Variants in GREB1 observed in about 807,000 individuals in gnomAD.
GREB1 encodes growth regulating estrogen receptor binding 1.
A neutral mutation model predicts 200.7 loss-of-function variants in GREB1; 106 were observed. The observed-to-expected ratio is 0.53, with a 90% CI of 0.45 to 0.62. The LOEUF is 0.62. GREB1 is among the 20% of genes least tolerant of loss of function. The pLI, the probability that GREB1 is intolerant of heterozygous loss-of-function variation, is 0.00. For synonymous variants in GREB1, 1,132 were observed against 1,092.4 expected (o/e 1.04, Z -0.72); for missense variants, 2,243 against 2,556.8 (o/e 0.88, Z 2.65).
intron 1 of GREB1, among the ~76,000 whole-genome samples, chr2:11,519,548 C>T (rs1217676850): frequency 2.0e-5 from 3 of 150,180 alleles, no homozygotes; most frequent in Non-Finnish European, 4.4e-5. Context: ...CTCTACCTCC[C>T]GGGTTCATGA....
intron 11 of GREB1, among the ~76,000 whole-genome samples, chr2:11,593,598 C>A (rs1405494325): frequency 1.3e-5 from 2 of 151,852 alleles, no homozygotes; most frequent in Non-Finnish European, 2.9e-5. Context: ...GAGATTCTCC[C>A]ACCTCAGCCT....
At chr2:11,485,257 T>C (rs1174805262) in intron 1 of GREB1, among the ~76,000 whole-genome samples, 1 of 128,204 alleles carries the variant, frequency 7.8e-6, no homozygotes, top group African/African-American at 3.1e-5. Context: ...TTTTATTTTA[T>C]TTTATATATA....
At chr2:11,514,036 A>T (rs530992973) in intron 1 of GREB1, among the ~76,000 whole-genome samples, 3 of 152,334 alleles carry the variant, frequency 2.0e-5, no homozygotes, top group Admixed American at 6.5e-5. Flanking sequence ...TAGGAGCTGG[A>T]TCAGTGCAGA....
intron 1 of GREB1, among the ~76,000 whole-genome samples, chr2:11,516,827 C>T (rs1673523108): frequency 1.3e-5 from 2 of 152,212 alleles, no homozygotes; most frequent in Non-Finnish European, 2.9e-5. Context: ...AACAGGCTCT[C>T]ACTGGATTCA....
At chr2:11,526,267 T>C (rs1357528653) in intron 1 of GREB1, among the ~76,000 whole-genome samples, 1 of 152,178 alleles carries the variant, frequency 6.6e-6, no homozygotes, top group East Asian at 1.9e-4. Flanking sequence ...TTTCTTCCTT[T>C]ATATCACTAG....
At position 11,552,871 on chromosome 2, in the gene GREB1, A is replaced by C. The variant is rs370416474; in HGVS notation, c.-161-3583A>C. 1.3e-4 allele frequency among the ~76,000 whole-genome samples: 19 copies of C among 151,966 alleles called. No homozygotes were observed. The South Asian group carries it at 1.7e-3, about 13-fold the overall frequency. On this transcript the variant is annotated intron_variant, in intron 1 of 32. Coordinates refer to ENST00000381486, the MANE Select transcript of GREB1 (RefSeq NM_014668.4). ...CTAAAAATACAAAAATTAGCCGGGC[A>C]TGGTGGCGCACGCCTGTAGTCCCAG...
chr2:11,575,674 A>G (rs1207699957), intron 4 of GREB1, among the ~76,000 whole-genome samples: 1 of 152,238 alleles, frequency 6.6e-6, no homozygotes, highest in African/African-American at 2.4e-5. Flanking sequence ...ATTTCTTTTC[A>G]GAAACTCACG....
rs1174993890 is a variant in GREB1 at position 11,635,305 on chromosome 2, T to C, written c.5246T>C (p.Val1749Ala). ...LCDDVDFNLR[V>A]HSAGLLLCRF... The stretch of plus-strand genomic sequence containing the variant: ...GACGATGTAGACTTCAACCTGCGGG[T>C]GCACAGCGCCGGCCTCCTGCTCTGC... The change falls in exon 30 of 33, where the codon GTG becomes GCG. Residue 1749 changes from valine to alanine, a missense_variant. Val to Ala is a moderately conservative substitution (Grantham distance 64). Transcript: ENST00000381486. The C allele has an allele frequency of 6.2e-7, 1 of 1,614,176 alleles. No individual in the cohort carries two copies. The highest frequency in any genetic ancestry group is 8.5e-7 in the Non-Finnish European group (1 of 1,180,026).
chr2:11,500,408 C>G (rs984877750), intron 1 of GREB1, among the ~76,000 whole-genome samples: 1 of 151,986 alleles, frequency 6.6e-6, no homozygotes, highest in African/African-American at 2.4e-5. Context: ...ATCTGCTCGC[C>G]TCGGACTCCC....
At position 11,589,906 on chromosome 2, in the gene GREB1, G is replaced by A. The variant is rs57219871; in HGVS notation, c.1345+975G>A. Among the ~76,000 whole-genome samples, 285 of 152,288 alleles carry A rather than the reference G, an allele frequency of 1.9e-3. 3 individuals are homozygous for A. In the East Asian group the frequency reaches 0.044, roughly 23 times the overall value. On this transcript the variant is annotated intron_variant, in intron 10 of 32. Transcript: ENST00000381486. The stretch of plus-strand genomic sequence containing the variant: ...GCGTGAGTTTGTACAAGATGCCCAC[G>A]AGACAGTCAAGTCGCCTGTGTTCAT...
intron 11 of GREB1, among the ~76,000 whole-genome samples, chr2:11,594,908 A>G (rs1681068675): frequency 6.6e-6 from 1 of 150,872 alleles, no homozygotes; most frequent in Non-Finnish European, 1.5e-5. Context: ...GTTAGCCAGG[A>G]TGGTCTCGAT....
Position 11,618,918 on chromosome 2 carries a change from A to T in GREB1, c.4043A>T (p.Gln1348Leu). 4 of 1,506,888 alleles carry T rather than the reference A, an allele frequency of 2.7e-6. No homozygotes were observed. Among genetic ancestry groups the T allele is most frequent in the Non-Finnish European group, 2.7e-6 (3 of 1,131,162 alleles). The allele number at this position is 1,506,888 out of a possible 1,614,324, so 93.3% of individuals were successfully genotyped here. The change falls in exon 22 of 33, where the codon CAG becomes CTG. Residue 1348 changes from glutamine (Q) to leucine (L), a missense_variant and splice_region_variant. Gln to Leu is a moderately radical substitution (Grantham distance 113, BLOSUM62 -2). Coordinates refer to ENST00000381486, the MANE Select transcript of GREB1 (RefSeq NM_014668.4). ...PRRLLLSGPP[Q>L]IGKTGAYLQF... is the part of the protein sequence containing the mutation. ...AGGCTGCTGCTCAGCGGCCCCCCTCAGGTGAGTGTTGCTCGCTGCCCCAGC... is the reference window on the plus strand; with the variant it reads ...AGGCTGCTGCTCAGCGGCCCCCCTCTGGTGAGTGTTGCTCGCTGCCCCAGC...
intron 1 of GREB1, among the ~76,000 whole-genome samples, chr2:11,554,910 AC>A (rs1206470930): frequency 6.6e-6 from 1 of 152,080 alleles, no homozygotes; most frequent in East Asian, 1.9e-4. Context: ...AGCTGAAGTC[AC>A]CCCCCATTGC....
At chr2:11,538,420 G>A (rs1042586914) in intron 1 of GREB1, among the ~76,000 whole-genome samples, 1 of 152,124 alleles carries the variant, frequency 6.6e-6, no homozygotes, top group Non-Finnish European at 1.5e-5. Context: ...TCATATTCAA[G>A]TCACTTTTGC....
chr2:11,516,668 C>T (rs1673514270), intron 1 of GREB1, among the ~76,000 whole-genome samples: 1 of 146,966 alleles, frequency 6.8e-6, no homozygotes, highest in South Asian at 2.1e-4. Flanking sequence ...GGCGTGAGGG[C>T]CAAACGGCCT....
chr2:11,520,790 T>G lies in GREB1; in HGVS notation c.-158-35667T>G, dbSNP rs1349766045. On this transcript the variant is annotated intron_variant, in intron 1 of 2. Transcript: ENST00000628795. Reference sequence around the variant, plus strand: ...TGAATCACATCTGCAAAGTGCCATTTCCCACTAAGGTCACATATTGACAGG... The same window carrying G: ...TGAATCACATCTGCAAAGTGCCATTGCCCACTAAGGTCACATATTGACAGG... 2.0e-5 allele frequency among the ~76,000 whole-genome samples: 3 copies of G among 152,202 alleles called. No individual in the cohort carries two copies. In the East Asian group the frequency reaches 5.8e-4, roughly 29 times the overall value.
intron 1 of GREB1, among the ~76,000 whole-genome samples, chr2:11,543,881 C>T (rs11686574): frequency 2.6e-5 from 4 of 151,806 alleles, no homozygotes; most frequent in African/African-American, 9.7e-5. Context: ...TGGGTATTGA[C>T]GCCCGTCTGT....
chr2:11,557,717 T>C (rs73915421), intron 2 of GREB1, among the ~76,000 whole-genome samples: 3,785 of 152,286 alleles, frequency 0.025, 183 homozygotes, highest in African/African-American at 0.085. Flanking sequence ...AAAACATCCT[T>C]ACTAAATTAA....
chr2:11,636,143 C>T (rs1428297683), intron 30 of GREB1, among the ~76,000 whole-genome samples: 2 of 152,224 alleles, frequency 1.3e-5, no homozygotes, highest in Non-Finnish European at 2.9e-5. Flanking sequence ...TCAGGGATTG[C>T]CCCTTTTCCG....
Sources: gnomAD v4.1 joint callset for allele counts (sites outside exome capture counted in the v4.1 genomes callset) on GRCh38, gnomAD v4.1.1 for gene constraint, MANE v1.5 for transcripts, NCBI Gene and HGNC (gene_info 2026-07-23, HGNC 2026-07-21) for gene names.